Variants in LUZP1 observed in about 807,000 individuals in gnomAD.
LUZP1 encodes the protein filamin mechanobinding actin cross-linking protein.
A neutral mutation model predicts 71.3 loss-of-function variants in LUZP1; 25 were observed. That is an observed-to-expected ratio of 0.35 (90% CI 0.26 to 0.49). LUZP1 has a LOEUF of 0.49. Ranked by LOEUF, LUZP1 falls within the 20% of genes least tolerant of loss-of-function variation. The pLI is 0.99. For synonymous variants in LUZP1, 481 were observed against 506.4 expected (o/e 0.95, Z 0.67); for missense variants, 1,142 against 1,300.8 (o/e 0.88, Z 1.88).
chr1:23,157,440 G>A lies in LUZP1; in HGVS notation c.-226+11326C>T, dbSNP rs533943438. On this transcript the variant is annotated intron_variant, in intron 2 of 4. Coordinates refer to ENST00000302291, the Ensembl canonical transcript of LUZP1. ...ACCTATAATCCCAGCACCTTGGAAG[G>A]CTGAGGCAGGAGGATCGTTTGAGGC... Among the ~76,000 whole-genome samples, 13 of 147,628 alleles carry A rather than the reference G, an allele frequency of 8.8e-5. No individual in the cohort carries two copies. In the East Asian group the frequency reaches 1.4e-3, roughly 16 times the overall value.
chr1:23,154,462 C>G (rs1406350628), intron 2 of LUZP1, among the ~76,000 whole-genome samples: 1 of 152,152 alleles, frequency 6.6e-6, no homozygotes, highest in Non-Finnish European at 1.5e-5. Flanking sequence ...ACTGCTTGAG[C>G]CTGGGAGATC....
chr1:23,172,562 T>C (rs1644558387), intron 1 of LUZP1, among the ~76,000 whole-genome samples: 1 of 151,600 alleles, frequency 6.6e-6, no homozygotes, highest in Non-Finnish European at 1.5e-5. Context: ...TCGCTCAGGC[T>C]GGAGTGCAGT....
At chr1:23,161,066 A>G (rs1422265350) in intron 2 of LUZP1, among the ~76,000 whole-genome samples, 3 of 152,332 alleles carry the variant, frequency 2.0e-5, no homozygotes, top group Non-Finnish European at 4.4e-5. Flanking sequence ...AGGAAAGGAC[A>G]AAAGATAATG....
chr1:23,138,663 TTGTGTGTG>T (rs550739499), intron 2 of LUZP1, among the ~76,000 whole-genome samples: 1 of 125,610 alleles, frequency 8.0e-6, no homozygotes, highest in Non-Finnish European at 1.6e-5. Flanking sequence ...GATTATGTGT[TTGTGTGTG>T]TGTGTGTGTG....
At chr1:23,173,350 CTTTTT>C (rs869169060) in intron 1 of LUZP1, among the ~76,000 whole-genome samples, 75 of 80,344 alleles carry the variant, frequency 9.3e-4, no homozygotes, top group African/African-American at 3.4e-3. Flanking sequence ...TTTGTTTTTT[CTTTTT>C]TTTTTTTTTT....
intron 2 of LUZP1, among the ~76,000 whole-genome samples, chr1:23,124,074 T>A (rs1419859448): frequency 1.3e-5 from 2 of 151,580 alleles, no homozygotes; most frequent in Non-Finnish European, 2.9e-5. Context: ...AAAAAAAAAA[T>A]TTTTGCCCTA....
chr1:23,137,144 T>C (rs1263532926), intron 2 of LUZP1, among the ~76,000 whole-genome samples: 1 of 152,196 alleles, frequency 6.6e-6, no homozygotes, highest in Non-Finnish European at 1.5e-5. Flanking sequence ...ATAGAAAGTA[T>C]TTCCAAATCC....
chr1:23,132,949 A>C (rs1644225813), intron 2 of LUZP1, among the ~76,000 whole-genome samples: 1 of 152,236 alleles, frequency 6.6e-6, no homozygotes, highest in Non-Finnish European at 1.5e-5. Flanking sequence ...GATCCAGAAA[A>C]TACTACAGGA....
intron 2 of LUZP1, among the ~76,000 whole-genome samples, chr1:23,164,223 C>T (rs1262742698): frequency 4.6e-5 from 7 of 152,078 alleles, no homozygotes; most frequent in Non-Finnish European, 8.8e-5. Flanking sequence ...CGGCTGGGCG[C>T]GGTGGCTCAC....
At chr1:23,103,227 G>T (rs890881018) in intron 3 of LUZP1, among the ~76,000 whole-genome samples, 1 of 151,750 alleles carries the variant, frequency 6.6e-6, no homozygotes, top group Non-Finnish European at 1.5e-5. Context: ...TTACAGACGC[G>T]AGCCACCGCC....
exon 4 of LUZP1, chr1:23,091,240 G>A (rs576296660): frequency 1.1e-5 from 17 of 1,613,632 alleles, no homozygotes; most frequent in Admixed American, 5.0e-5. Flanking sequence ...TCTCCTACCC[G>A]ATTCCGACGG....
chr1:23,144,933 C>A (rs546780766), intron 2 of LUZP1, among the ~76,000 whole-genome samples: 32 of 152,164 alleles, frequency 2.1e-4, no homozygotes, highest in African/African-American at 7.2e-4. Context: ...TGCTCTGTTG[C>A]CCAGGCTGCA....
chr1:23,124,028 T>C (rs1237952827), intron 2 of LUZP1, among the ~76,000 whole-genome samples: 1 of 152,012 alleles, frequency 6.6e-6, no homozygotes, highest in Non-Finnish European at 1.5e-5. Context: ...AATTGGCTTA[T>C]CTATATAATC....
intron 2 of LUZP1, among the ~76,000 whole-genome samples, chr1:23,149,079 TAAAA>T (rs58910170): frequency 5.6e-4 from 21 of 37,406 alleles, no homozygotes; most frequent in African/African-American, 2.0e-3. Flanking sequence ...ACACCTTGCC[TAAAA>T]AAAAAAAAAA....
chr1:23,085,669 T>G (rs1241707463), exon 5 of LUZP1: 4 of 152,146 alleles, frequency 2.6e-5, no homozygotes. Context: ...TCCCGAACAC[T>G]CCACTGACGG....
At chr1:23,117,874 G>A (rs1347346504) in intron 2 of LUZP1, among the ~76,000 whole-genome samples, 18 of 152,018 alleles carry the variant, frequency 1.2e-4, no homozygotes, top group African/African-American at 3.9e-4. Context: ...GGCAGATCAC[G>A]AAGTCAGGAG....
rs1038153930 is a variant in LUZP1 at position 23,164,262 on chromosome 1, G to A, written c.-226+4504C>T. Reference sequence around the variant, plus strand: ...TCTAATCCCAGCACTTTGGGAGGCCGAAGCGGGCGGATCACGAGGTCAGGA... The same window carrying A: ...TCTAATCCCAGCACTTTGGGAGGCCAAAGCGGGCGGATCACGAGGTCAGGA... On this transcript the variant is annotated intron_variant, in intron 2 of 4. Coordinates refer to ENST00000302291, the Ensembl canonical transcript of LUZP1. Among the ~76,000 whole-genome samples the A allele has an allele frequency of 5.9e-5, 9 of 152,278 alleles. No homozygotes were observed. In the South Asian group the frequency reaches 1.4e-3, roughly 25 times the overall value.
intron 3 of LUZP1, among the ~76,000 whole-genome samples, chr1:23,097,906 C>T (rs1170460188): frequency 1.3e-5 from 2 of 152,082 alleles, no homozygotes; most frequent in East Asian, 3.8e-4. Flanking sequence ...GGTGGCTGGG[C>T]TGAATTTGTA....
At chr1:23,092,245 A>G (rs1161265130) in exon 4 of LUZP1, 2 of 1,614,138 alleles carry the variant, frequency 1.2e-6, no homozygotes, top group South Asian at 2.2e-5. Flanking sequence ...GTATTTACCA[A>G]CTTGGCAGTA....
Sources: gnomAD v4.1 joint callset for allele counts (sites outside exome capture counted in the v4.1 genomes callset) on GRCh38, gnomAD v4.1.1 for gene constraint, MANE v1.5 for transcripts, NCBI Gene and HGNC (gene_info 2026-07-23, HGNC 2026-07-21) for gene names.